SEC31A: variants seen among roughly 807,000 people sequenced by gnomAD.
The protein encoded by SEC31A is protein transport protein Sec31A.
SEC31A carries 70 observed loss-of-function variants against 151.0 expected under a neutral mutation model. That is an observed-to-expected ratio of 0.46 (90% CI 0.38 to 0.57). SEC31A has a LOEUF of 0.57. Ranked by LOEUF, SEC31A falls within the 20% of genes least tolerant of loss-of-function variation. The pLI is 0.00. For missense variants in SEC31A, 1,330 were observed against 1,471.2 expected, an observed-to-expected ratio of 0.90 and a Z score of 1.57; for synonymous variants, 475 against 505.9, an observed-to-expected ratio of 0.94 and a Z score of 0.82.
chr4:82,863,288 G>A, intron 12 of SEC31A, 30 bp downstream of exon 12: 1 of 1,195,236 alleles, frequency 8.4e-7, no homozygotes, highest in South Asian at 1.3e-5. Flanking sequence ...TTCATAAAGA[G>A]CATGCCATCT....
At chr4:82,890,814 A>T (rs1578426017) in intron 1 of SEC31A, 1 of 1,303,570 alleles carries the variant, frequency 7.7e-7, no homozygotes, top group East Asian at 3.1e-5. Context: ...CCCGGCTACT[A>T]CTCCCCGGCA....
At chr4:82,849,011 G>C (rs755814035) in intron 19 of SEC31A, 34 bp from the exon 20 acceptor site, 1 of 1,587,728 alleles carries the variant, frequency 6.3e-7, no homozygotes, top group East Asian at 2.2e-5. Flanking sequence ...AGACTGTTGA[G>C]AGTTCACCCA....
chr4:82,840,015 C>G (rs950256027), intron 22 of SEC31A, among the ~76,000 whole-genome samples: 1 of 152,098 alleles, frequency 6.6e-6, no homozygotes, highest in Non-Finnish European at 1.5e-5. Context: ...TCATTTACAC[C>G]AGGACTAAAC....
rs367770074 is a variant in SEC31A, at chr4:82,831,057, C to T, written c.2969-1999G>A. ...TACTCATTTTATAATTGTTTCTTCT[C>T]CCTTCATTAATCCCCAGAAAGTGTA... On this transcript the variant is annotated intron_variant, in intron 22 of 26. Transcript: ENST00000395310. 1.5e-5 allele frequency: 6 copies of T among 404,832 alleles called. No homozygotes were observed. In the East Asian group the frequency reaches 3.3e-4, roughly 22 times the overall value. 25.1% of individuals were successfully genotyped at this position (404,832 alleles called of 1,614,324 possible).
chr4:82,888,743 A>G (rs1037032047), intron 1 of SEC31A, among the ~76,000 whole-genome samples: 1 of 152,142 alleles, frequency 6.6e-6, no homozygotes, highest in Non-Finnish European at 1.5e-5. Context: ...ATTCTAGACT[A>G]GAACTCTTTA....
chr4:82,829,156 C>A, intron 22 of SEC31A, 98 bp from the exon 23 acceptor site: 2 of 953,126 alleles, frequency 2.1e-6, no homozygotes, highest in Middle Eastern at 2.7e-4. Flanking sequence ...CTGCCTTAAC[C>A]CTGAAATAAC....
At chr4:82,871,528 C>A (rs1242998440) in intron 7 of SEC31A, 9 of 850,716 alleles carry the variant, frequency 1.1e-5, no homozygotes, top group Middle Eastern at 6.8e-4. Flanking sequence ...GTATTCCCAG[C>A]ACTTTGGGAG....
chr4:82,866,353 C>A (rs920368321), intron 10 of SEC31A, among the ~76,000 whole-genome samples: 1 of 152,068 alleles, frequency 6.6e-6, no homozygotes, highest in Non-Finnish European at 1.5e-5. Context: ...TGCTTGTAAT[C>A]CCAGCTACCC....
Position 82,867,247 on chromosome 4 carries a change from C to T in SEC31A, c.952G>A (p.Val318Ile), listed in dbSNP as rs1403704606. 2 of 1,614,016 alleles carry T rather than the reference C, an allele frequency of 1.2e-6. No individual in the cohort carries two copies. The highest frequency in any genetic ancestry group is 1.7e-6 in the Non-Finnish European group (2 of 1,179,998). The change falls in exon 9 of 27, where the codon GTC becomes ATC. Residue 318 changes from valine to isoleucine, a missense_variant. Physicochemically the swap from Val to Ile is conservative, Grantham distance 29. Transcript: ENST00000395310. ...DIQWCPRNPA[V>I]LSAASFDGRI... The stretch of plus-strand genomic sequence containing the variant: ...CCATCAAACGAAGCAGCTGATAAGA[C>T]AGCAGGATTTCGGGGACACCACTGA...
In SEC31A at chr4:82,882,947, G is replaced by A. The variant is rs143963688; in HGVS notation, c.-4-1007C>T. Among the ~76,000 whole-genome samples, 44 of 152,218 alleles carry A rather than the reference G, an allele frequency of 2.9e-4. No homozygotes were observed. In the East Asian group the frequency reaches 4.6e-3, roughly 16 times the overall value. Reference sequence around the variant, plus strand: ...AGCCTCGCCAACATGGCAAAACCCCGTCTCTATTAAAAATACAAGAAAATT... The same window carrying A: ...AGCCTCGCCAACATGGCAAAACCCCATCTCTATTAAAAATACAAGAAAATT... On this transcript the variant is annotated intron_variant, in intron 1 of 26. Coordinates refer to ENST00000395310, the MANE Select transcript of SEC31A (RefSeq NM_001077207.4).
intron 3 of SEC31A, chr4:82,897,745 T>G (rs1431695045): frequency 1.3e-5 from 2 of 151,810 alleles, no homozygotes; most frequent in Non-Finnish European, 2.9e-5. Context: ...TCTCAAAAAA[T>G]AAAATAAAAT....
At chr4:82,877,599 C>T (rs183816273) in intron 4 of SEC31A, 7 of 152,132 alleles carry the variant, frequency 4.6e-5, no homozygotes, top group Admixed American at 2.0e-4. Context: ...AGGCTAAGAT[C>T]GTTATTAAGC....
rs1342761395 is a variant in SEC31A, at chr4:82,863,360, G to A, written c.1467C>T (p.Tyr489=). 3 of 1,577,894 alleles carry A rather than the reference G, an allele frequency of 1.9e-6. No homozygotes were observed. The highest frequency in any genetic ancestry group is 2.6e-6 in the Non-Finnish European group (3 of 1,167,548). The stretch of plus-strand genomic sequence containing the variant: ...CTTTTCTGTATCCTAGAAGTTCAAG[G>A]TATTTTCCACGAGAATCATCCTCAA... ...VNFEDDSRGK[Y]LELLGYRKED... Residue 489 remains tyrosine (Y), a synonymous_variant, in exon 12 of 27, where the codon TAC becomes TAT. Transcript: ENST00000395310.
intron 14 of SEC31A, 73 bp from the exon 15 acceptor site, chr4:82,857,837 C>T: frequency 1.1e-6 from 1 of 920,224 alleles, no homozygotes; most frequent in Non-Finnish European, 1.7e-6. Flanking sequence ...AAAAAATTTA[C>T]ACATGATTCT....
At chr4:82,892,537 G>A (rs563065011), upstream of SEC31A, among the ~76,000 whole-genome samples, 36 of 152,220 alleles carry the variant, frequency 2.4e-4, no homozygotes, top group African/African-American at 8.4e-4. Context: ...TCTGTCCTTT[G>A]TTGACCAATT....
chr4:82,844,492 A>G lies in SEC31A; in HGVS notation c.2520T>C (p.Pro840=). The change falls in exon 21 of 27, where the codon CCT becomes CCC. Residue 840 remains proline (P), a synonymous_variant. Transcript: ENST00000395310. ...CATTTCCATGCATTATGAAACCCGG[A>G]GGTGGAGGATTTTCTCCCTAAGAAA... The part of the protein sequence containing the change: ...QYYPHGENPP[P]PGFIMHGNVN... 6.2e-7 allele frequency: 1 copy of G among 1,613,878 alleles called. No individual in the cohort carries two copies. Among genetic ancestry groups the G allele is most frequent in the East Asian group, 2.2e-5 (1 of 44,884 alleles).
chr4:82,829,427 A>C (rs373484555), intron 22 of SEC31A: 24 of 165,860 alleles, frequency 1.4e-4, no homozygotes, highest in Admixed American at 6.2e-4. Flanking sequence ...AACAAACAAA[A>C]AAAAAACACA....
Position 82,830,672 on chromosome 4 carries a change from G to A in SEC31A, c.2969-1614C>T, listed in dbSNP as rs115280047. Among the ~76,000 whole-genome samples, 708 of 152,242 alleles carry A rather than the reference G, an allele frequency of 4.7e-3. 3 individuals carry two copies. Among genetic ancestry groups the A allele is most frequent in the Non-Finnish European group, 8.0e-3 (541 of 68,020 alleles). On this transcript the variant is annotated intron_variant, in intron 22 of 26. Coordinates refer to ENST00000395310, the MANE Select transcript of SEC31A (RefSeq NM_001077207.4). ...CTGCAATCACTTTCTAGTCTTACCC[G>A]TAGCTCAAGACAGTCTTGGCATAGT...
intron 18 of SEC31A, among the ~76,000 whole-genome samples, chr4:82,852,129 C>T (rs899398745): frequency 6.6e-6 from 1 of 152,138 alleles, no homozygotes; most frequent in Non-Finnish European, 1.5e-5. Context: ...TTATAAAGGG[C>T]AGTTCCCCTG....
Sources: allele counts gnomAD v4.1 joint callset (sites outside exome capture counted in the v4.1 genomes callset), GRCh38; gene constraint gnomAD v4.1.1; transcripts MANE v1.5; gene names NCBI Gene and HGNC (gene_info 2026-07-23, HGNC 2026-07-21).